Variants in SLIT3 observed in about 807,000 individuals in gnomAD.
SLIT3 encodes slit guidance ligand 3.
In SLIT3, 68 loss-of-function variants were observed where a neutral mutation model predicts 184.0. The ratio of observed to expected loss-of-function variants is 0.37; its 90% CI spans 0.30 to 0.45. The LOEUF is 0.45. SLIT3 is among the 20% of genes least tolerant of loss of function. The pLI is 1.00. For synonymous variants in SLIT3, 831 were observed against 828.6 expected (o/e 1.00, Z -0.05); for missense variants, 1,707 against 2,026.0 (o/e 0.84, Z 3.02).
intron 4 of SLIT3, among the ~76,000 whole-genome samples, chr5:169,046,642 T>C (rs1757631125): frequency 6.6e-6 from 1 of 152,192 alleles, no homozygotes; most frequent in African/African-American, 2.4e-5. Context: ...ACATTCCTTT[T>C]GGGCGCTGGA....
intron 4 of SLIT3, 120 bp from the exon 5 acceptor site, chr5:168,883,456 C>T (rs1049848572): frequency 4.8e-5 from 35 of 725,414 alleles, no homozygotes; most frequent in African/African-American, 8.8e-5. Flanking sequence ...GAGTGTATGG[C>T]GGCTGTTTGG....
chr5:168,686,926 C>A (rs571484630), intron 30 of SLIT3, 53 bp downstream of exon 30: 1 of 1,596,276 alleles, frequency 6.3e-7, no homozygotes, highest in East Asian at 2.3e-5. Flanking sequence ...TCAGCCCCAG[C>A]CCCTGCCACC....
intron 4 of SLIT3, among the ~76,000 whole-genome samples, chr5:169,166,000 A>G (rs1324860597): frequency 1.3e-5 from 2 of 152,340 alleles, no homozygotes; most frequent in East Asian, 3.9e-4. Flanking sequence ...CACTATTCAT[A>G]TCATCATGCC....
At chr5:169,261,729 A>C (rs1371862788) in intron 1 of SLIT3, among the ~76,000 whole-genome samples, 1 of 152,150 alleles carries the variant, frequency 6.6e-6, no homozygotes, top group Admixed American at 6.5e-5. Context: ...GGTGGTCCCC[A>C]GTATCAACAC....
Position 168,687,076 on chromosome 5 carries a change from T to A in SLIT3, c.3217A>T (p.Thr1073Ser), listed in dbSNP as rs1360824304. ...VPGYSGKLCETDNDDCVAHKC... is the reference protein window; with the variant it reads ...VPGYSGKLCESDNDDCVAHKC... ...TGGGCCACACAGTCATCATTGTCTG[T>A]CTCACAGAGCTTCCCGCTGTAGCCA... The change falls in exon 30 of 36, where the codon ACA (threonine) becomes TCA (serine). Residue 1073 changes from threonine to serine, a missense_variant. Transcript: ENST00000519560. 1 of 1,614,252 alleles carries A rather than the reference T, an allele frequency of 6.2e-7. No homozygotes were observed. Among genetic ancestry groups the A allele is most frequent in the Non-Finnish European group, 8.5e-7 (1 of 1,180,036 alleles).
intron 4 of SLIT3, among the ~76,000 whole-genome samples, chr5:169,130,870 T>A (rs992443589): frequency 4.6e-5 from 7 of 152,172 alleles, no homozygotes; most frequent in African/African-American, 7.2e-5. Flanking sequence ...GAAAAATGCA[T>A]GCTACAGAAT....
intron 4 of SLIT3, among the ~76,000 whole-genome samples, chr5:169,050,330 T>G (rs1002461411): frequency 6.6e-6 from 1 of 152,200 alleles, no homozygotes; most frequent in Non-Finnish European, 1.5e-5. Context: ...TTATCAGTTA[T>G]CCCCATCTTA....
At chr5:168,796,575 C>CA (rs1250978518) in intron 9 of SLIT3, among the ~76,000 whole-genome samples, 2 of 152,028 alleles carry the variant, frequency 1.3e-5, no homozygotes, top group East Asian at 1.9e-4. Context: ...GGAAGACACA[C>CA]AAAAAAGTGT....
At chr5:168,702,373 C>T (rs903821879) in intron 26 of SLIT3, among the ~76,000 whole-genome samples, 1 of 152,130 alleles carries the variant, frequency 6.6e-6, no homozygotes, top group Admixed American at 6.5e-5. Flanking sequence ...CAAGATCGCA[C>T]AGCAGTAAGT....
intron 10 of SLIT3, among the ~76,000 whole-genome samples, chr5:168,793,891 T>C (rs540536611): frequency 6.6e-6 from 1 of 152,240 alleles, no homozygotes; most frequent in East Asian, 1.9e-4. Flanking sequence ...CCTATATTTA[T>C]ACAGCTCCTC....
At chr5:169,134,064 T>C (rs1380286446) in intron 4 of SLIT3, among the ~76,000 whole-genome samples, 1 of 152,262 alleles carries the variant, frequency 6.6e-6, no homozygotes, top group Non-Finnish European at 1.5e-5. Context: ...GTGCAAAGCT[T>C]TGGGCCATTG....
At chr5:168,865,469 A>G (rs1283564105) in intron 5 of SLIT3, among the ~76,000 whole-genome samples, 1 of 152,256 alleles carries the variant, frequency 6.6e-6, no homozygotes, top group Non-Finnish European at 1.5e-5. Flanking sequence ...CGCTAAGTGA[A>G]AGATGTTAGC....
In SLIT3 at chr5:168,666,672, G is replaced by T; in HGVS notation, c.4354C>A (p.Gln1452Lys). 6.2e-7 allele frequency: 1 copy of T among 1,614,130 alleles called. No homozygotes were observed. The highest frequency in any genetic ancestry group is 1.3e-5 in the African/African-American group (1 of 75,038). The change falls in exon 36 of 36, where the codon CAA (glutamine) becomes AAA (lysine). Residue 1452 changes from glutamine (Q) to lysine (K), a missense_variant. Physicochemically the swap from Gln to Lys is moderately conservative, Grantham distance 53 (BLOSUM62 1). Coordinates refer to ENST00000519560, the MANE Select transcript of SLIT3 (RefSeq NM_003062.4). ...HCQQENPCLGQVVREVIRRQK... is the reference protein window; with the variant it reads ...HCQQENPCLGKVVREVIRRQK... ...CGGCGGATCACCTCTCGGACTACTTGTCCCAGGCACGGATTCTCTGCAGAG... is the reference window on the plus strand; with the variant it reads ...CGGCGGATCACCTCTCGGACTACTTTTCCCAGGCACGGATTCTCTGCAGAG...
chr5:169,151,029 T>C (rs1057034076), intron 4 of SLIT3, among the ~76,000 whole-genome samples: 1 of 151,892 alleles, frequency 6.6e-6, no homozygotes, highest in Non-Finnish European at 1.5e-5. Context: ...AAGGATCTAG[T>C]AGTGAGGAAA....
chr5:168,805,824 A>C (rs1317852964), intron 9 of SLIT3, among the ~76,000 whole-genome samples: 2 of 152,196 alleles, frequency 1.3e-5, no homozygotes, highest in Non-Finnish European at 2.9e-5. Context: ...CACTTCCACC[A>C]CTATTTTACA....
chr5:169,264,038 A>G (rs1254759192), intron 1 of SLIT3, among the ~76,000 whole-genome samples: 1 of 150,600 alleles, frequency 6.6e-6, no homozygotes, highest in Non-Finnish European at 1.5e-5. Context: ...GTAAACATGT[A>G]TTATTCAATA....
intron 4 of SLIT3, among the ~76,000 whole-genome samples, chr5:169,091,204 T>A (rs1453880088): frequency 6.6e-6 from 1 of 152,098 alleles, no homozygotes; most frequent in Non-Finnish European, 1.5e-5. Flanking sequence ...AATGAAGAAG[T>A]TAACACATTC....
At chr5:169,190,287 T>C (rs1763509039) in intron 4 of SLIT3, among the ~76,000 whole-genome samples, 1 of 152,222 alleles carries the variant, frequency 6.6e-6, no homozygotes, top group South Asian at 2.1e-4. Flanking sequence ...TTAGTGCATT[T>C]TGAGTCTTTT....
intron 5 of SLIT3, 82 bp downstream of exon 5, chr5:168,883,183 C>T: frequency 8.8e-7 from 1 of 1,131,560 alleles, no homozygotes; most frequent in South Asian, 1.3e-5. Flanking sequence ...GGACCACCCT[C>T]TTGTCCCATC....
Sources: allele counts gnomAD v4.1 joint callset (sites outside exome capture counted in the v4.1 genomes callset), GRCh38; gene constraint gnomAD v4.1.1; transcripts MANE v1.5; gene names NCBI Gene and HGNC (gene_info 2026-07-23, HGNC 2026-07-21).